Variants in C22orf31 observed in about 807,000 individuals in gnomAD.
C22orf31 encodes chromosome 22 open reading frame 31.
A neutral mutation model predicts 15.0 loss-of-function variants in C22orf31; 11 were observed. The observed-to-expected ratio is 0.73, with a 90% CI of 0.46 to 1.21. The LOEUF is 1.21. C22orf31 is among the 50% of genes most tolerant of loss of function. The probability of loss-of-function intolerance (pLI) is 0.00; values close to 1 mark genes in which losing one functional copy is unlikely to be tolerated. For synonymous variants in C22orf31, 132 were observed against 133.3 expected (o/e 0.99, Z 0.07); for missense variants, 340 against 347.2 (o/e 0.98, Z 0.17).
chr22:29,071,729 G>A, the C22orf31 span, among the ~76,000 whole-genome samples: 1 of 152,130 alleles, frequency 6.6e-6, no homozygotes, highest in African/African-American at 2.4e-5. Context: ...GCCCACGACC[G>A]ACCCCGGGTG....
In C22orf31 at chr22:29,058,912, AC is replaced by A; in HGVS notation, c.702del (p.Arg234SerfsTer53). 1 of 1,613,700 alleles carries A rather than the reference AC, an allele frequency of 6.2e-7. No homozygotes were observed. Among genetic ancestry groups the A allele is most frequent in the Non-Finnish European group, 8.5e-7 (1 of 1,179,876 alleles). On this transcript the variant is annotated frameshift_variant, in exon 3 of 3. Transcript: ENST00000216071. LOFTEE classifies it low-confidence loss of function (END_TRUNC). ...ATGGCCTTGCCCAGCTCCAGGCTGT[AC>A]CTCTTGGGGGTCCCTGAAGGATTCC... Reference protein sequence around the residue: ...MLWNPSGTPKRYSLELGKAIK... With the variant: ...MLWNPSGTPKXYSLELGKAIK...
the C22orf31 span, among the ~76,000 whole-genome samples, chr22:29,071,397 T>G: frequency 5.6e-5 from 5 of 89,728 alleles, no homozygotes; most frequent in Non-Finnish European, 7.0e-5. Flanking sequence ...CAGCCGTGGG[T>G]GGGGAAAGGA....
At position 29,060,671 on chromosome 22, in the gene C22orf31, G is replaced by A; in HGVS notation, c.176C>T (p.Thr59Ile). 13 of 1,614,202 alleles carry A rather than the reference G, an allele frequency of 8.1e-6. No individual in the cohort carries two copies. The highest frequency in any genetic ancestry group is 1.1e-5 in the Non-Finnish European group (13 of 1,180,024). The change falls in exon 2 of 3, where the codon ACT becomes ATT. Residue 59 changes from threonine (T) to isoleucine (I), a missense_variant. Coordinates refer to ENST00000216071, the MANE Select transcript of C22orf31 (RefSeq NM_015370.2). The stretch of plus-strand genomic sequence containing the variant: ...GTTCCTTACAACTTCCCAAGAGGAA[G>A]TGGTAGCTGGTGCTGGGGCATTAAT... ...QNINAPAPAT[T>I]SSWEVVRNPL...
chr22:29,072,053 G>A, the C22orf31 span, among the ~76,000 whole-genome samples: 1 of 152,210 alleles, frequency 6.6e-6, no homozygotes, highest in Non-Finnish European at 1.5e-5. Flanking sequence ...GTATGTGGCT[G>A]CAAACTTGGG....
At chr22:29,066,620 G>C (rs2123905259), upstream of C22orf31, among the ~76,000 whole-genome samples, 1 of 127,488 alleles carries the variant, frequency 7.8e-6, no homozygotes, top group East Asian at 2.5e-4. Context: ...GAGTGCAGTG[G>C]CACGATCTTG....
chr22:29,068,759 CTTTT>C, the C22orf31 span, among the ~76,000 whole-genome samples: 943 of 113,064 alleles, frequency 8.3e-3, 13 homozygotes, highest in Middle Eastern at 0.027. Context: ...CAACCTGGTA[CTTTT>C]TTTTTTTTTT....
At chr22:29,073,414 G>T in the C22orf31 span, among the ~76,000 whole-genome samples, 2 of 151,464 alleles carry the variant, frequency 1.3e-5, no homozygotes, top group African/African-American at 2.4e-5. The surrounding 1 kb of genome is among the most constrained non-coding windows in gnomAD (Gnocchi z 4.4). Context: ...CCCCAGGCCC[G>T]TCATCGACGC....
At chr22:29,067,671 TG>T in the C22orf31 span, among the ~76,000 whole-genome samples, 2 of 152,160 alleles carry the variant, frequency 1.3e-5, no homozygotes, top group African/African-American at 4.8e-5. Context: ...CTCGAACTCC[TG>T]ACCTCAGGTG....
In C22orf31 at chr22:29,060,312, C is replaced by T. The variant is rs547213010; in HGVS notation, c.432+103G>A. ...CCTCCCAAAGTGCTGAGATTATAGG[C>T]GGTAGCCGCACGCCATATAATCTCA... On this transcript the variant is annotated intron_variant, in intron 2 of 2. Coordinates refer to ENST00000216071, the MANE Select transcript of C22orf31 (RefSeq NM_015370.2). 1.3e-3 allele frequency: 1,389 copies of T among 1,103,920 alleles called. 3 individuals are homozygous for T. The highest frequency in any genetic ancestry group is 1.6e-3 in the Non-Finnish European group (1,194 of 763,768). The allele number at this position is 1,103,920 out of a possible 1,614,324, so 68.4% of individuals were successfully genotyped here. A position where few individuals can be genotyped will look rare whatever the true frequency, so the allele number is the denominator to read the frequency against.
the C22orf31 span, chr22:29,072,995 G>T: frequency 7.2e-5 from 11 of 152,404 alleles, no homozygotes; most frequent in Non-Finnish European, 1.6e-4. Context: ...TGAGCTGGGC[G>T]GGCCGGGGCG....
At chr22:29,066,080 C>T (rs1220244523), upstream of C22orf31, among the ~76,000 whole-genome samples, 1 of 151,838 alleles carries the variant, frequency 6.6e-6, no homozygotes, top group Non-Finnish European at 1.5e-5. Flanking sequence ...TCCTTTACTA[C>T]GACCTTTCTT....
upstream of C22orf31, among the ~76,000 whole-genome samples, chr22:29,066,647 G>A (rs1304022015): frequency 7.6e-5 from 10 of 132,312 alleles, no homozygotes; most frequent in South Asian, 1.0e-3. Context: ...TGCAACCTCC[G>A]CCTCCTGGGT....
At chr22:29,059,615 G>T (rs1019806093) in intron 2 of C22orf31, 2 of 861,666 alleles carry the variant, frequency 2.3e-6, no homozygotes, top group African/African-American at 1.8e-5. Flanking sequence ...GCCCGAGGTC[G>T]TCCTCAATTA....
At chr22:29,060,033 T>TA (rs2037369131) in intron 2 of C22orf31, 1 of 912,138 alleles carries the variant, frequency 1.1e-6, no homozygotes, top group African/African-American at 1.9e-5. Context: ...TTTTTTTTTT[T>TA]TTTTTTTTTT....
the C22orf31 span, among the ~76,000 whole-genome samples, chr22:29,072,104 C>T: frequency 1.3e-5 from 2 of 152,012 alleles, no homozygotes; most frequent in African/African-American, 2.4e-5. Context: ...TCCTACTCTG[C>T]GTGCGTAAAA....
chr22:29,067,664 G>A, the C22orf31 span, among the ~76,000 whole-genome samples: 3 of 152,134 alleles, frequency 2.0e-5, no homozygotes, highest in South Asian at 2.1e-4. Context: ...GGCTGGACTC[G>A]AACTCCTGAC....
the C22orf31 span, among the ~76,000 whole-genome samples, chr22:29,069,394 C>G: frequency 4.4e-4 from 67 of 152,146 alleles, 1 homozygote; most frequent in Non-Finnish European, 4.6e-4. Flanking sequence ...TTGAATGACC[C>G]AAACTCCAAC....
upstream of C22orf31, among the ~76,000 whole-genome samples, chr22:29,064,426 G>A (rs2037415160): frequency 6.6e-6 from 1 of 152,192 alleles, no homozygotes; most frequent in Non-Finnish European, 1.5e-5. Context: ...AAGGGTTATT[G>A]TGAGTTTGAA....
chr22:29,066,875 G>T, the C22orf31 span, among the ~76,000 whole-genome samples: 7 of 151,998 alleles, frequency 4.6e-5, no homozygotes, highest in African/African-American at 7.3e-5. Flanking sequence ...CCTCCTCAAT[G>T]CTAACCCAAA....
Sources: gnomAD v4.1 joint callset for allele counts (sites outside exome capture counted in the v4.1 genomes callset) on GRCh38, gnomAD v4.1.1 for gene constraint, Gnocchi (gnomAD v3.1) non-coding constraint, MANE v1.5 for transcripts, NCBI Gene and HGNC (gene_info 2026-07-23, HGNC 2026-07-21) for gene names.